APPBP2: variants seen among roughly 807,000 people sequenced by gnomAD.
APPBP2 encodes the protein amyloid protein-binding protein 2.
Under a neutral mutation model 76.0 loss-of-function variants are expected in APPBP2, and 15 were observed. That is an observed-to-expected ratio of 0.20 (90% CI 0.13 to 0.30). The LOEUF is 0.30. Among genes scored for constraint, APPBP2 ranks in the 10% least tolerant of loss-of-function variants. APPBP2 has a pLI of 1.00. For missense variants in APPBP2, 401 were observed against 687.2 expected (o/e 0.58, Z 4.66); for synonymous variants, 222 against 242.2 (o/e 0.92, Z 0.77).
intron 1 of APPBP2, among the ~76,000 whole-genome samples, chr17:60,506,275 T>C (rs2090867475): frequency 1.3e-5 from 2 of 152,216 alleles, no homozygotes; most frequent in African/African-American, 4.8e-5. Context: ...ATTACCGGCC[T>C]GAGCCACTGC....
At position 60,446,360 on chromosome 17, in the gene APPBP2, C is replaced by A. The variant is rs2090347152; in HGVS notation, c.*1221G>T. ...AATCAAAACCCAATAAACAGAAAGA[C>A]AAGTTAGTGAAATAGGTGTATTATT... On this transcript the variant is annotated 3_prime_UTR_variant, in exon 13 of 13. Coordinates refer to ENST00000083182, the MANE Select transcript of APPBP2 (RefSeq NM_006380.5). The A allele has an allele frequency of 6.6e-6, 1 of 152,320 alleles. No homozygotes were observed. The highest frequency in any genetic ancestry group is 2.4e-5 in the African/African-American group (1 of 41,420). The allele number at this position is 152,320 out of a possible 1,614,324, so 9.4% of individuals were successfully genotyped here. A position where few individuals can be genotyped will look rare whatever the true frequency, so the allele number is the denominator to read the frequency against.
chr17:60,462,228 C>G (rs1322669304), intron 6 of APPBP2, 167 bp from the exon 7 acceptor site: 1 of 614,456 alleles, frequency 1.6e-6, no homozygotes, highest in Admixed American at 3.0e-5. Context: ...CTTAAAAATT[C>G]TATTATAAAC....
At chr17:60,492,701 C>T (rs1295426952) in intron 3 of APPBP2, among the ~76,000 whole-genome samples, 3 of 152,114 alleles carry the variant, frequency 2.0e-5, no homozygotes, top group East Asian at 3.8e-4. Flanking sequence ...AATGCATGTA[C>T]CCCCACTGTA....
intron 1 of APPBP2, among the ~76,000 whole-genome samples, chr17:60,512,423 T>C (rs369562020): frequency 2.0e-4 from 30 of 151,920 alleles, no homozygotes; most frequent in East Asian, 3.9e-4. Flanking sequence ...TATAGAAAAA[T>C]TGAATTTTTA....
At chr17:60,490,780 T>C (rs896681599) in intron 3 of APPBP2, among the ~76,000 whole-genome samples, 1 of 152,186 alleles carries the variant, frequency 6.6e-6, no homozygotes, top group African/African-American at 2.4e-5. Flanking sequence ...CGAGATCTGA[T>C]GGTTTTATAA....
chr17:60,497,620 C>T (rs2090787170), intron 2 of APPBP2, among the ~76,000 whole-genome samples: 1 of 151,828 alleles, frequency 6.6e-6, no homozygotes, highest in African/African-American at 2.4e-5. Flanking sequence ...AATATATGCA[C>T]CTAATATGTA....
chr17:60,477,800 CA>C lies in APPBP2; in HGVS notation c.503+1347del, dbSNP rs1177773203. Among the ~76,000 whole-genome samples the C allele has an allele frequency of 4.3e-3, 287 of 66,824 alleles. No homozygotes were observed. In the East Asian group the frequency reaches 0.044, roughly 10 times the overall value. 43.8% of individuals were successfully genotyped at this position (66,824 alleles called of 152,430 possible). On this transcript the variant is annotated intron_variant, in intron 4 of 12. Coordinates refer to ENST00000083182, the MANE Select transcript of APPBP2 (RefSeq NM_006380.5). Reference sequence around the variant, plus strand: ...CTCAAAAGACTGAAATCCAACTGGCCAAAAAAAAAAAAAAAAAATAGAGTTT... The same window carrying C: ...CTCAAAAGACTGAAATCCAACTGGCCAAAAAAAAAAAAAAAAATAGAGTTT...
intron 3 of APPBP2, among the ~76,000 whole-genome samples, chr17:60,484,032 A>G (rs889581606): frequency 3.3e-5 from 5 of 152,126 alleles, no homozygotes; most frequent in Non-Finnish European, 7.3e-5. Context: ...CAAAGATCAG[A>G]TGGTTGTAGA....
chr17:60,448,658 C>T (rs754232912), intron 12 of APPBP2, among the ~76,000 whole-genome samples: 3 of 152,100 alleles, frequency 2.0e-5, no homozygotes, highest in Non-Finnish European at 4.4e-5. Context: ...GTAACGGTTA[C>T]GGAGTGACTG....
At chr17:60,463,933 C>A (rs1433191680) in intron 6 of APPBP2, 88 bp downstream of exon 6, 3 of 946,710 alleles carry the variant, frequency 3.2e-6, no homozygotes, top group Non-Finnish European at 4.7e-6. Flanking sequence ...GTACAAATAA[C>A]TAAAATGTTA....
chr17:60,462,922 G>A (rs929586640), intron 6 of APPBP2, among the ~76,000 whole-genome samples: 55 of 143,924 alleles, frequency 3.8e-4, no homozygotes, highest in African/African-American at 1.4e-3. Context: ...CTGCACTCCA[G>A]CCTGGGCGAC....
chr17:60,500,739 AT>A, intron 1 of APPBP2, among the ~76,000 whole-genome samples: 1 of 152,220 alleles, frequency 6.6e-6, no homozygotes, highest in East Asian at 1.9e-4. Flanking sequence ...CTGTATAATT[AT>A]GTATTCATTA....
Position 60,466,364 on chromosome 17 carries a change from C to G in APPBP2, c.599G>C (p.Gly200Ala). ...QTYMDKLSKH[G>A]QQANKAALYG... Reference sequence around the variant, plus strand: ...GAGTGCAGCTTTATTTGCTTGCTGGCCATGTTTTGATAGTTTATCCATATA... The same window carrying G: ...GAGTGCAGCTTTATTTGCTTGCTGGGCATGTTTTGATAGTTTATCCATATA... Residue 200 changes from glycine to alanine, a missense_variant, in exon 5 of 13, where the codon GGC becomes GCC. By Grantham distance (60) the Gly-to-Ala change is moderately conservative. Around this residue, in one of 5 missense-constraint regions of APPBP2, gnomAD observed 64 missense variants for 72.9 expected, o/e 0.88. Coordinates refer to ENST00000083182, the MANE Select transcript of APPBP2 (RefSeq NM_006380.5). 1 of 1,613,984 alleles carries G rather than the reference C, an allele frequency of 6.2e-7. No individual in the cohort carries two copies.
At chr17:60,456,815 G>C (rs755747364) in intron 9 of APPBP2, among the ~76,000 whole-genome samples, 7 of 152,006 alleles carry the variant, frequency 4.6e-5, no homozygotes, top group Non-Finnish European at 7.4e-5. Flanking sequence ...GGTCTTTCCA[G>C]AACAGACCAC....
At chr17:60,481,437 A>G (rs1047543452) in intron 3 of APPBP2, among the ~76,000 whole-genome samples, 2 of 152,170 alleles carry the variant, frequency 1.3e-5, no homozygotes, top group East Asian at 3.8e-4. Flanking sequence ...AAATAAATAA[A>G]TATTTTTTAT....
intron 4 of APPBP2, among the ~76,000 whole-genome samples, chr17:60,472,641 C>T (rs950120383): frequency 5.3e-5 from 8 of 152,142 alleles, no homozygotes; most frequent in Non-Finnish European, 8.8e-5. Context: ...GGAATCTGCA[C>T]CTGACACCTC....
At chr17:60,494,442 T>C in intron 3 of APPBP2, 24 bp downstream of exon 3, 1 of 1,597,048 alleles carries the variant, frequency 6.3e-7, no homozygotes, top group Non-Finnish European at 8.5e-7. Flanking sequence ...CAGGACAAAA[T>C]ACTTCTGTTC....
At position 60,492,506 on chromosome 17, in the gene APPBP2, G is replaced by A. The variant is rs1263924202; in HGVS notation, c.379+1960C>T. On this transcript the variant is annotated intron_variant, in intron 3 of 12. Coordinates refer to ENST00000083182, the MANE Select transcript of APPBP2 (RefSeq NM_006380.5). ...TGTACCCTTCAAAGCCACAGGGGCG[G>A]AGCTGCCCAAGACCATGGGAACCCA... is the stretch of plus-strand genomic sequence containing the variant. Among the ~76,000 whole-genome samples, 5 of 152,220 alleles carry A rather than the reference G, an allele frequency of 3.3e-5. No individual in the cohort carries two copies. The East Asian group carries it at 7.7e-4, about 23-fold the overall frequency.
intron 12 of APPBP2, among the ~76,000 whole-genome samples, 160 bp downstream of exon 12, chr17:60,451,720 C>A (rs1334639944): frequency 1.3e-5 from 2 of 152,152 alleles, no homozygotes; most frequent in Non-Finnish European, 2.9e-5. Context: ...CTCAAGTGAT[C>A]TGCCTATCTC....
Sources: allele counts gnomAD v4.1 joint callset (sites outside exome capture counted in the v4.1 genomes callset), GRCh38; gene constraint gnomAD v4.1.1; regional missense constraint gnomAD v4.1.1; transcripts MANE v1.5; gene names NCBI Gene and HGNC (gene_info 2026-07-23, HGNC 2026-07-21).